Variants in SV2C observed in about 807,000 individuals in gnomAD.
SV2C encodes the protein solute carrier family 22 member B3.
A neutral mutation model predicts 79.7 loss-of-function variants in SV2C; 49 were observed. That is an observed-to-expected ratio of 0.61 (90% CI 0.49 to 0.78). SV2C has a LOEUF of 0.78. Among genes scored for constraint, SV2C ranks in the 30% least tolerant of loss-of-function variants. The pLI, the probability that SV2C is intolerant of heterozygous loss-of-function variation, is 0.00. For missense variants in SV2C, 833 were observed against 912.9 expected, an observed-to-expected ratio of 0.91 and a Z score of 1.13; for synonymous variants, 334 against 333.2, an observed-to-expected ratio of 1.00 and a Z score of -0.03.
chr5:76,245,240 A>T (rs1383296916), intron 4 of SV2C, among the ~76,000 whole-genome samples: 2 of 152,136 alleles, frequency 1.3e-5, no homozygotes, highest in African/African-American at 4.8e-5. Flanking sequence ...ATTCCCAATA[A>T]ATTTTGTAGG....
At chr5:76,035,460 C>T in the SV2C span, among the ~76,000 whole-genome samples, 13,033 of 151,942 alleles carry the variant, frequency 0.086, 1,818 homozygotes, top group African/African-American at 0.29. Context: ...TCTTTGTTCT[C>T]GTTGGTTTCA....
chr5:75,882,778 A>G, the SV2C span, among the ~76,000 whole-genome samples: 3 of 145,522 alleles, frequency 2.1e-5, no homozygotes, highest in African/African-American at 8.4e-5. Flanking sequence ...TACATGTTAG[A>G]CCTAAAACCA....
the SV2C span, among the ~76,000 whole-genome samples, chr5:75,955,840 A>C: frequency 4.6e-5 from 7 of 151,946 alleles, no homozygotes. Context: ...TCAAAACCAC[A>C]ATGAGATACC....
intron 2 of SV2C, among the ~76,000 whole-genome samples, chr5:76,162,354 C>T (rs1207077046): frequency 6.6e-6 from 1 of 152,084 alleles, no homozygotes; most frequent in Non-Finnish European, 1.5e-5. Flanking sequence ...AATATTGTAA[C>T]TTATTTTAGG....
intron 1 of SV2C, 23 bp from the exon 2 acceptor site, chr5:76,131,627 C>T: frequency 1.6e-6 from 1 of 611,456 alleles, no homozygotes; most frequent in Non-Finnish European, 2.7e-6. Flanking sequence ...TAATAAGTAT[C>T]TCCTCTATTT....
chr5:75,943,506 TC>T, the SV2C span, among the ~76,000 whole-genome samples: 3 of 152,198 alleles, frequency 2.0e-5, no homozygotes, highest in African/African-American at 7.2e-5. Flanking sequence ...GTATTTTTCA[TC>T]TTTGATTTCT....
At chr5:76,023,085 G>A in the SV2C span, among the ~76,000 whole-genome samples, 13 of 152,184 alleles carry the variant, frequency 8.5e-5, no homozygotes. Flanking sequence ...TTTAAAGGCT[G>A]ATTCACAGTG....
chr5:76,165,362 TTG>T (rs1386989650), intron 2 of SV2C, among the ~76,000 whole-genome samples: 1 of 152,134 alleles, frequency 6.6e-6, no homozygotes, highest in African/African-American at 2.4e-5. Flanking sequence ...TTGTTTCTGT[TTG>T]TGTGTGTGGA....
intron 6 of SV2C, 135 bp from the exon 7 acceptor site, chr5:76,291,086 A>G: frequency 1.8e-6 from 1 of 540,908 alleles, no homozygotes; most frequent in South Asian, 2.6e-5. Flanking sequence ...GGTCTCATAT[A>G]TGTATGAACT....
At chr5:76,021,953 A>C in the SV2C span, among the ~76,000 whole-genome samples, 1 of 152,158 alleles carries the variant, frequency 6.6e-6, no homozygotes, top group Admixed American at 6.6e-5. Context: ...GTGTCTTCTT[A>C]AACTATTCTT....
the SV2C span, among the ~76,000 whole-genome samples, chr5:75,901,575 G>C: frequency 6.6e-6 from 1 of 152,246 alleles, no homozygotes; most frequent in Non-Finnish European, 1.5e-5. Flanking sequence ...CCCCTTCTCA[G>C]ATCTCCAGCT....
the SV2C span, among the ~76,000 whole-genome samples, chr5:76,014,218 AAAG>A: frequency 9.2e-5 from 14 of 151,412 alleles, no homozygotes; most frequent in African/African-American, 2.7e-4. Context: ...AAGGAAAAGA[AAAG>A]AAAGAAAGGA....
chr5:76,227,196 G>A (rs1745277690), intron 4 of SV2C, among the ~76,000 whole-genome samples: 1 of 152,112 alleles, frequency 6.6e-6, no homozygotes, highest in Admixed American at 6.5e-5. Context: ...CTGCATGACG[G>A]CCTGTACTGC....
intron 12 of SV2C, among the ~76,000 whole-genome samples, chr5:76,303,705 G>A (rs942739694): frequency 1.6e-4 from 25 of 152,112 alleles, no homozygotes; most frequent in African/African-American, 5.3e-4. Context: ...ACAGACCTAC[G>A]GTGTTTCTGT....
intron 4 of SV2C, among the ~76,000 whole-genome samples, chr5:76,212,418 C>A (rs1561266529): frequency 6.6e-6 from 1 of 152,032 alleles, no homozygotes; most frequent in Non-Finnish European, 1.5e-5. Context: ...CTCAACCTGG[C>A]AAATTTATAC....
the SV2C span, among the ~76,000 whole-genome samples, chr5:75,924,742 C>T: frequency 7.4e-5 from 11 of 148,920 alleles, no homozygotes; most frequent in South Asian, 1.3e-3. Flanking sequence ...TTAGGCCTTT[C>T]TTTGAAAATT....
chr5:75,998,835 T>G, the SV2C span, among the ~76,000 whole-genome samples: 2 of 152,098 alleles, frequency 1.3e-5, no homozygotes. Flanking sequence ...TCTCTCACTC[T>G]CTCTCTCTCT....
At chr5:75,967,892 C>T in the SV2C span, among the ~76,000 whole-genome samples, 1 of 152,190 alleles carries the variant, frequency 6.6e-6, no homozygotes, top group Non-Finnish European at 1.5e-5. Flanking sequence ...GTCCCTGACC[C>T]CCAAGTAGCC....
chr5:76,212,850 C>T (rs1261837227), intron 4 of SV2C, among the ~76,000 whole-genome samples: 4 of 152,166 alleles, frequency 2.6e-5, no homozygotes, highest in Admixed American at 2.6e-4. Context: ...GCCTTGTCAC[C>T]GGTCAGTCAG....
Sources: allele counts gnomAD v4.1 joint callset (sites outside exome capture counted in the v4.1 genomes callset), GRCh38; gene constraint gnomAD v4.1.1; transcripts MANE v1.5; gene names NCBI Gene and HGNC (gene_info 2026-07-23, HGNC 2026-07-21).